Variants in ASTN2 observed in about 807,000 individuals in gnomAD.
ASTN2 encodes the protein astrotactin-2.
ASTN2 carries 54 observed loss-of-function variants against 139.8 expected under a neutral mutation model. The observed-to-expected ratio is 0.39, with a 90% CI of 0.31 to 0.48. The LOEUF (loss-of-function observed/expected upper bound fraction) is 0.48. Ranked by LOEUF, ASTN2 falls within the 20% of genes least tolerant of loss-of-function variation. The pLI, the probability that ASTN2 is intolerant of heterozygous loss-of-function variation, is 0.95. For missense variants in ASTN2, 1,565 were observed against 1,725.1 expected, an observed-to-expected ratio of 0.91 and a Z score of 1.64; for synonymous variants, 756 against 719.5, an observed-to-expected ratio of 1.05 and a Z score of -0.81.
intron 5 of ASTN2, among the ~76,000 whole-genome samples, chr9:117,075,321 C>T (rs1828250431): frequency 6.6e-6 from 1 of 152,280 alleles, no homozygotes; most frequent in Non-Finnish European, 1.5e-5. Flanking sequence ...AGCGCCTCTG[C>T]CCAGCAGCCT....
At chr9:117,333,717 TG>T (rs2130853220) in intron 1 of ASTN2, among the ~76,000 whole-genome samples, 1 of 152,348 alleles carries the variant, frequency 6.6e-6, no homozygotes, top group African/African-American at 2.4e-5. Flanking sequence ...TTGGCCAGGC[TG>T]GTTTCGAACT....
intron 7 of ASTN2, among the ~76,000 whole-genome samples, chr9:116,992,260 A>G (rs1212848848): frequency 6.6e-6 from 1 of 152,014 alleles, no homozygotes; most frequent in Non-Finnish European, 1.5e-5. Context: ...CCCTCCCAAA[A>G]CCTCAAGCTA....
chr9:116,912,038 A>G (rs900468056), intron 10 of ASTN2, among the ~76,000 whole-genome samples: 9 of 152,360 alleles, frequency 5.9e-5, no homozygotes, highest in African/African-American at 1.9e-4. Flanking sequence ...TTCTAACTCC[A>G]GGAAGCTTTG....
intron 4 of ASTN2, among the ~76,000 whole-genome samples, chr9:117,132,228 G>C (rs1829844100): frequency 6.6e-6 from 1 of 152,084 alleles, no homozygotes; most frequent in Non-Finnish European, 1.5e-5. Context: ...AACCAGGCTG[G>C]GATAGCTGGC....
chr9:117,246,989 G>A (rs1172589093), intron 2 of ASTN2, among the ~76,000 whole-genome samples: 1 of 152,110 alleles, frequency 6.6e-6, no homozygotes, highest in Non-Finnish European at 1.5e-5. Flanking sequence ...TATCTTGTGA[G>A]GGATTTTGAA....
rs1470483997 is a variant in ASTN2, at chr9:117,291,446, G to A, written c.510C>T (p.Thr170=). 1 of 1,614,070 alleles carries A rather than the reference G, an allele frequency of 6.2e-7. No homozygotes were observed. The highest frequency in any genetic ancestry group is 8.5e-7 in the Non-Finnish European group (1 of 1,180,020). ...HWRQQWLENG[T]LYFHVSMSSS... ...TGCTCATGGAGACGTGGAAGTACAA[G>A]GTGCCATTCTCCAGCCACTGCTGTC... The change falls in exon 2 of 23, where the codon ACC becomes ACT. Residue 170 remains threonine (T), a synonymous_variant. Transcript: ENST00000313400.
At chr9:116,656,508 T>C (rs1858220805) in intron 16 of ASTN2, among the ~76,000 whole-genome samples, 1 of 152,128 alleles carries the variant, frequency 6.6e-6, no homozygotes, top group South Asian at 2.1e-4. Flanking sequence ...TGAAGAGACT[T>C]ATCCTCTGTT....
At chr9:116,819,205 G>T (rs1332690113) in intron 12 of ASTN2, among the ~76,000 whole-genome samples, 1 of 152,088 alleles carries the variant, frequency 6.6e-6, no homozygotes, top group Non-Finnish European at 1.5e-5. Context: ...TACCACAGAA[G>T]AACAGCCCCC....
intron 7 of ASTN2, among the ~76,000 whole-genome samples, chr9:117,007,323 A>C (rs1288900941): frequency 1.3e-5 from 2 of 152,160 alleles, no homozygotes; most frequent in Non-Finnish European, 2.9e-5. Flanking sequence ...TGCTTGTTTG[A>C]CCACTGCAGC....
At chr9:117,099,107 C>CA (rs34900374) in intron 4 of ASTN2, among the ~76,000 whole-genome samples, 28,928 of 116,644 alleles carry the variant, frequency 0.25, 3,257 homozygotes, top group East Asian at 0.32. Flanking sequence ...ACTCCGTCTC[C>CA]AAAAAAAAAA....
chr9:117,340,479 A>G (rs1447014082), intron 1 of ASTN2, among the ~76,000 whole-genome samples: 13 of 152,108 alleles, frequency 8.5e-5, no homozygotes, highest in African/African-American at 4.8e-5. Flanking sequence ...TGCCACCTCT[A>G]AAGAATACAT....
chr9:117,335,113 G>A (rs1208903332), intron 1 of ASTN2, among the ~76,000 whole-genome samples: 1 of 152,080 alleles, frequency 6.6e-6, no homozygotes, highest in Non-Finnish European at 1.5e-5. Flanking sequence ...TGCACCCCCA[G>A]GGGCTCACTC....
chr9:116,686,618 G>C, intron 16 of ASTN2: 1 of 1,408,950 alleles, frequency 7.1e-7, no homozygotes, highest in Non-Finnish European at 9.8e-7. Context: ...TCAAATCTCA[G>C]GCCAGATCAC....
At chr9:116,977,429 C>T (rs1836373367) in intron 7 of ASTN2, among the ~76,000 whole-genome samples, 1 of 151,912 alleles carries the variant, frequency 6.6e-6, no homozygotes, top group Non-Finnish European at 1.5e-5. Flanking sequence ...CATTTCTTTC[C>T]CTTCCATCCA....
chr9:117,263,322 T>C (rs1833869170), intron 2 of ASTN2, among the ~76,000 whole-genome samples: 1 of 152,194 alleles, frequency 6.6e-6, no homozygotes, highest in African/African-American at 2.4e-5. Flanking sequence ...TTTATCTAAC[T>C]ATTCCTGAAA....
intron 13 of ASTN2, among the ~76,000 whole-genome samples, chr9:116,742,390 G>A (rs1054074374): frequency 2.6e-5 from 4 of 152,208 alleles, no homozygotes; most frequent in Non-Finnish European, 5.9e-5. Flanking sequence ...GATGCTGCAA[G>A]GAATTGTTGA....
chr9:116,714,165 CT>C (rs1828247404), intron 16 of ASTN2, among the ~76,000 whole-genome samples: 1 of 152,336 alleles, frequency 6.6e-6, no homozygotes, highest in African/African-American at 2.4e-5. Context: ...TGGTGTTCAG[CT>C]GTGCAAACAT....
At chr9:116,632,190 G>C (rs1326681773) in intron 17 of ASTN2, among the ~76,000 whole-genome samples, 1 of 12,462 alleles carries the variant, frequency 8.0e-5, no homozygotes, top group Non-Finnish European at 1.6e-4. Flanking sequence ...GAGAGGGAGA[G>C]AGAGAGAAAG....
intron 13 of ASTN2, among the ~76,000 whole-genome samples, chr9:116,756,633 C>T (rs939812747): frequency 1.3e-5 from 2 of 151,920 alleles, no homozygotes; most frequent in African/African-American, 4.8e-5. Context: ...TATTCTAAAC[C>T]CTACCCCCAA....
Sources: allele counts gnomAD v4.1 joint callset (sites outside exome capture counted in the v4.1 genomes callset), GRCh38; gene constraint gnomAD v4.1.1; transcripts MANE v1.5; gene names NCBI Gene and HGNC (gene_info 2026-07-23, HGNC 2026-07-21).